Variants in GRM1 observed in about 807,000 individuals in gnomAD.
The protein encoded by GRM1 is glutamate metabotropic receptor 1.
In GRM1, 33 loss-of-function variants were observed where a neutral mutation model predicts 90.9. The ratio of observed to expected loss-of-function variants is 0.36; its 90% CI spans 0.28 to 0.49. GRM1 has a LOEUF of 0.49. GRM1 is among the 20% of genes least tolerant of loss of function. The pLI is 0.99. For synonymous variants in GRM1, 700 were observed against 613.2 expected (o/e 1.14, Z -2.09); for missense variants, 1,190 against 1,534.3 (o/e 0.78, Z 3.75).
intron 3 of GRM1, among the ~76,000 whole-genome samples, chr6:146,306,232 T>C (rs73009061): frequency 6.6e-6 from 1 of 152,278 alleles, no homozygotes; most frequent in Non-Finnish European, 1.5e-5. Flanking sequence ...ACGTAGGTGT[T>C]TCTACTTTCT....
chr6:146,244,233 A>G (rs1490342577), intron 2 of GRM1, among the ~76,000 whole-genome samples: 1 of 152,150 alleles, frequency 6.6e-6, no homozygotes, highest in Non-Finnish European at 1.5e-5. Context: ...GGCATAGGAA[A>G]TCACAAGAGT....
chr6:146,092,334 C>T (rs1358853398), intron 1 of GRM1, among the ~76,000 whole-genome samples: 1 of 152,034 alleles, frequency 6.6e-6, no homozygotes, highest in African/African-American at 2.4e-5. Context: ...ACTAGGGTTT[C>T]AACATGATTT....
intron 1 of GRM1, among the ~76,000 whole-genome samples, chr6:146,141,687 T>C (rs1273940037): frequency 2.0e-5 from 3 of 152,202 alleles, no homozygotes; most frequent in Non-Finnish European, 4.4e-5. Flanking sequence ...ATGCATTCTT[T>C]GGCATGTCAA....
At chr6:146,071,683 G>A (rs947694577) in intron 1 of GRM1, among the ~76,000 whole-genome samples, 1 of 152,096 alleles carries the variant, frequency 6.6e-6, no homozygotes, top group Non-Finnish European at 1.5e-5. Flanking sequence ...ACACTTATTA[G>A]GGATGGGAAG....
intron 2 of GRM1, among the ~76,000 whole-genome samples, chr6:146,229,266 G>T (rs530470243): frequency 1.3e-5 from 2 of 151,606 alleles, no homozygotes; most frequent in Admixed American, 1.3e-4. Context: ...TTACAGGCGT[G>T]ACCCAACATG....
intron 1 of GRM1, among the ~76,000 whole-genome samples, chr6:146,158,993 C>T (rs1008237427): frequency 6.6e-6 from 1 of 152,206 alleles, no homozygotes; most frequent in African/African-American, 2.4e-5. Flanking sequence ...TCTCTTCATG[C>T]TCCTTTGACC....
intron 1 of GRM1, among the ~76,000 whole-genome samples, chr6:146,084,209 T>G (rs1057395517): frequency 6.6e-6 from 1 of 152,178 alleles, no homozygotes; most frequent in East Asian, 1.9e-4. Context: ...TTGATTTTTT[T>G]GGAGGGTTTT....
chr6:146,252,874 A>G (rs1442273348), intron 2 of GRM1, among the ~76,000 whole-genome samples: 2 of 152,070 alleles, frequency 1.3e-5, no homozygotes, highest in African/African-American at 2.4e-5. Context: ...ATCCTGGCCA[A>G]CATGATGAAA....
intron 2 of GRM1, among the ~76,000 whole-genome samples, chr6:146,215,538 T>G (rs933772019): frequency 6.6e-6 from 1 of 152,158 alleles, no homozygotes; most frequent in African/African-American, 2.4e-5. Flanking sequence ...TTTGTGCCCT[T>G]ACTCTTAGGT....
intron 2 of GRM1, among the ~76,000 whole-genome samples, chr6:146,178,992 G>T (rs1207117265): frequency 6.6e-6 from 1 of 152,130 alleles, no homozygotes; most frequent in Non-Finnish European, 1.5e-5. Context: ...TTAATGCCTT[G>T]GAAGAGAGTC....
chr6:146,420,062 A>G (rs1248067158), intron 7 of GRM1, among the ~76,000 whole-genome samples: 2 of 152,194 alleles, frequency 1.3e-5, no homozygotes, highest in Non-Finnish European at 2.9e-5. Context: ...CCCTCAACAC[A>G]TTTGCTGATG....
intron 2 of GRM1, among the ~76,000 whole-genome samples, chr6:146,244,781 G>T (rs1780997183): frequency 6.6e-6 from 1 of 152,154 alleles, no homozygotes; most frequent in Non-Finnish European, 1.5e-5. Flanking sequence ...ACCCCTAATA[G>T]TCCTGATTAG....
intron 1 of GRM1, among the ~76,000 whole-genome samples, chr6:146,056,714 A>G (rs1486957722): frequency 2.0e-5 from 3 of 152,122 alleles, no homozygotes; most frequent in Non-Finnish European, 4.4e-5. Flanking sequence ...ACAGTAACTG[A>G]TCTTCAGTCA....
intron 2 of GRM1, among the ~76,000 whole-genome samples, chr6:146,212,331 A>G (rs935668810): frequency 6.6e-6 from 1 of 152,342 alleles, no homozygotes; most frequent in East Asian, 1.9e-4. Context: ...CTAATTGACT[A>G]TTTTATTCAA....
At chr6:146,199,327 T>C (rs774478332) in intron 2 of GRM1, among the ~76,000 whole-genome samples, 3 of 152,186 alleles carry the variant, frequency 2.0e-5, no homozygotes, top group Non-Finnish European at 4.4e-5. Context: ...GCATTGGTCA[T>C]TGCTTTCTCT....
At chr6:146,259,574 T>G (rs1182538440) in intron 2 of GRM1, among the ~76,000 whole-genome samples, 1 of 152,174 alleles carries the variant, frequency 6.6e-6, no homozygotes, top group Non-Finnish European at 1.5e-5. Context: ...CTGTGATGGC[T>G]TATCTCACTT....
intron 3 of GRM1, among the ~76,000 whole-genome samples, chr6:146,347,421 G>T (rs909622163): frequency 1.3e-5 from 2 of 152,110 alleles, no homozygotes; most frequent in African/African-American, 4.8e-5. Context: ...GTAGACCTAG[G>T]AATATACTTG....
intron 5 of GRM1, among the ~76,000 whole-genome samples, chr6:146,374,058 G>C (rs751936655): frequency 1.3e-5 from 2 of 152,070 alleles, no homozygotes; most frequent in Non-Finnish European, 2.9e-5. Context: ...GTTTTGAGGA[G>C]TTTTATTAAG....
chr6:146,230,680 T>C (rs377336804), intron 2 of GRM1, among the ~76,000 whole-genome samples: 1 of 151,984 alleles, frequency 6.6e-6, no homozygotes, highest in South Asian at 2.1e-4. Context: ...CCCAAAAGAG[T>C]TGAAAATTTA....
Sources: gnomAD v4.1 joint callset for allele counts (sites outside exome capture counted in the v4.1 genomes callset) on GRCh38, gnomAD v4.1.1 for gene constraint, MANE v1.5 for transcripts, NCBI Gene and HGNC (gene_info 2026-07-23, HGNC 2026-07-21) for gene names.